Variants in DMRT1 observed in about 807,000 individuals in gnomAD.
The protein encoded by DMRT1 is doublesex and mab-3 related transcription factor 1.
In DMRT1, 7 loss-of-function variants were observed where a neutral mutation model predicts 32.3. The ratio of observed to expected loss-of-function variants is 0.22; its 90% CI spans 0.12 to 0.41. The LOEUF (loss-of-function observed/expected upper bound fraction) is 0.41. Among genes scored for constraint, DMRT1 ranks in the 10% least tolerant of loss-of-function variants. The pLI is 1.00. For missense variants in DMRT1, 625 were observed against 500.5 expected (o/e 1.25, Z -2.37); for synonymous variants, 278 against 206.1 (o/e 1.35, Z -2.99).
chr9:845,918 TTCTC>T (rs1263236942), intron 1 of DMRT1, among the ~76,000 whole-genome samples: 1 of 152,214 alleles, frequency 6.6e-6, no homozygotes, highest in Non-Finnish European at 1.5e-5. Context: ...TGAAAGACAT[TTCTC>T]TCTCTGACTT....
At chr9:904,568 T>C (rs1298330418) in intron 3 of DMRT1, among the ~76,000 whole-genome samples, 1 of 152,264 alleles carries the variant, frequency 6.6e-6, no homozygotes, top group East Asian at 1.9e-4. Flanking sequence ...ATTGTTTTTA[T>C]TGAGTGGCTG....
intron 4 of DMRT1, among the ~76,000 whole-genome samples, chr9:945,501 T>C (rs1339807898): frequency 6.6e-6 from 1 of 152,234 alleles, no homozygotes; most frequent in South Asian, 2.1e-4. Flanking sequence ...TTTCGTACTT[T>C]CATCAAGATG....
chr9:842,230 G>GGTTT lies in DMRT1; in HGVS notation c.354+38_354+39insGTTT, dbSNP rs1554739423. The GGTTT allele has an allele frequency of 1.6e-5, 20 of 1,267,086 alleles. No homozygotes were observed. In the African/African-American group the frequency reaches 4.3e-4, roughly 27 times the overall value. The allele number at this position is 1,267,086 out of a possible 1,614,324, so 78.5% of individuals were successfully genotyped here. A position where few individuals can be genotyped will look rare whatever the true frequency, so the allele number is the denominator to read the frequency against. ...GTGCGGGAGCCCGGGTTCAGCCTTA[G>GGTTT]TTTTTTTTTTTTTTTTTTTTTTTAG... On this transcript the variant is annotated intron_variant, in intron 1 of 4. Coordinates refer to ENST00000382276, the MANE Select transcript of DMRT1 (RefSeq NM_021951.3).
At chr9:901,920 T>TG (rs1817595387) in intron 3 of DMRT1, among the ~76,000 whole-genome samples, 1 of 149,462 alleles carries the variant, frequency 6.7e-6, no homozygotes, top group Admixed American at 6.7e-5. Flanking sequence ...CCTTTTTTTT[T>TG]TTTTTTTTTT....
chr9:847,249 C>A, intron 2 of DMRT1, 106 bp downstream of exon 2: 1 of 1,214,258 alleles, frequency 8.2e-7, no homozygotes, highest in South Asian at 1.5e-5. Flanking sequence ...GTGTTTAGAG[C>A]TTAGAGGATT....
intron 4 of DMRT1, among the ~76,000 whole-genome samples, chr9:931,133 G>A (rs764996362): frequency 2.6e-5 from 4 of 152,086 alleles, no homozygotes; most frequent in Non-Finnish European, 5.9e-5. Flanking sequence ...TTTTGTGTCC[G>A]ACTTCTTTCA....
At chr9:894,339 T>C (rs1817271360) in intron 3 of DMRT1, 144 bp downstream of exon 3, 2 of 832,856 alleles carry the variant, frequency 2.4e-6, no homozygotes, top group Non-Finnish European at 3.9e-6. Flanking sequence ...CACACACATA[T>C]GTGTGTGTGC....
At chr9:842,213 G>A (rs1376075837) in intron 1 of DMRT1, 21 bp downstream of exon 1, 4 of 1,517,698 alleles carry the variant, frequency 2.6e-6, no homozygotes, top group African/African-American at 1.5e-5. Context: ...GCGTGCGGGA[G>A]CCCGGGTTCA....
chr9:929,913 G>T (rs1366596324), intron 4 of DMRT1, among the ~76,000 whole-genome samples: 1 of 152,180 alleles, frequency 6.6e-6, no homozygotes, highest in Non-Finnish European at 1.5e-5. Context: ...TGGCTGCAGG[G>T]ATAGTGAAAG....
At chr9:874,192 C>A (rs1328910821) in intron 2 of DMRT1, among the ~76,000 whole-genome samples, 1 of 152,086 alleles carries the variant, frequency 6.6e-6, no homozygotes, top group Admixed American at 6.5e-5. Context: ...GTCAACAATA[C>A]CTCTTGAAAT....
At chr9:860,265 C>A (rs1373269494) in intron 2 of DMRT1, among the ~76,000 whole-genome samples, 1 of 152,062 alleles carries the variant, frequency 6.6e-6, no homozygotes, top group South Asian at 2.1e-4. Flanking sequence ...CCATTGTACT[C>A]CAGCCTGGGC....
chr9:847,445 C>G (rs766964190), intron 2 of DMRT1, among the ~76,000 whole-genome samples: 3 of 152,182 alleles, frequency 2.0e-5, no homozygotes, highest in African/African-American at 4.8e-5. Flanking sequence ...CCTTCATTTT[C>G]CAGTCATCCT....
intron 2 of DMRT1, among the ~76,000 whole-genome samples, 185 bp from the exon 3 acceptor site, chr9:893,727 C>A (rs1427275686): frequency 6.6e-6 from 1 of 152,184 alleles, no homozygotes; most frequent in East Asian, 1.9e-4. Flanking sequence ...TCGGTTGTGC[C>A]ACCAGAGTGA....
chr9:902,168 C>T (rs887416573), intron 3 of DMRT1, among the ~76,000 whole-genome samples: 13 of 151,982 alleles, frequency 8.6e-5, no homozygotes, highest in African/African-American at 3.1e-4. Context: ...CCTCAGCCTC[C>T]CAAAGTGCTG....
intron 1 of DMRT1, 38 bp downstream of exon 1, chr9:842,230 GTTTT>G (rs780064237): frequency 1.3e-3 from 1,665 of 1,263,314 alleles, no homozygotes; most frequent in East Asian, 4.6e-3. Flanking sequence ...TTCAGCCTTA[GTTTT>G]TTTTTTTTTT....
chr9:928,397 A>G (rs890823042), intron 4 of DMRT1, among the ~76,000 whole-genome samples: 1 of 152,214 alleles, frequency 6.6e-6, no homozygotes, highest in Non-Finnish European at 1.5e-5. Context: ...GTATACTTGC[A>G]TAAAATCTGG....
intron 3 of DMRT1, among the ~76,000 whole-genome samples, chr9:901,927 T>TG (rs1457222649): frequency 4.9e-4 from 73 of 150,384 alleles, no homozygotes; most frequent in African/African-American, 1.8e-3. Flanking sequence ...TTTTTTTTTT[T>TG]TTTGAGACAG....
chr9:924,166 G>A (rs1000653505), intron 4 of DMRT1, among the ~76,000 whole-genome samples: 1 of 150,356 alleles, frequency 6.7e-6, no homozygotes, highest in African/African-American at 2.4e-5. Flanking sequence ...CTGCCTCCCA[G>A]GTTCAAGCAA....
intron 2 of DMRT1, among the ~76,000 whole-genome samples, chr9:850,030 G>C (rs1011261177): frequency 6.6e-6 from 1 of 152,186 alleles, no homozygotes; most frequent in African/African-American, 2.4e-5. Context: ...TGTTGGTCAG[G>C]CTGGTCTCGA....
Sources: gnomAD v4.1 joint callset for allele counts (sites outside exome capture counted in the v4.1 genomes callset) on GRCh38, gnomAD v4.1.1 for gene constraint, MANE v1.5 for transcripts, NCBI Gene and HGNC (gene_info 2026-07-23, HGNC 2026-07-21) for gene names.